Variants in MTX2 observed in about 807,000 individuals in gnomAD.
MTX2 encodes metaxin-2.
A neutral mutation model predicts 42.3 loss-of-function variants in MTX2; 35 were observed. The ratio of observed to expected loss-of-function variants is 0.83; its 90% confidence interval spans 0.63 to 1.10. The LOEUF is 1.10. Among genes scored for constraint, MTX2 ranks in the 50% least tolerant of loss-of-function variants. MTX2 has a pLI of 0.00. For synonymous variants in MTX2, 119 were observed against 100.9 expected (o/e 1.18, Z -1.08); for missense variants, 307 against 304.1 (o/e 1.01, Z -0.07).
intron 3 of MTX2, among the ~76,000 whole-genome samples, chr2:176,305,059 G>A (rs1684108106): frequency 6.6e-6 from 1 of 151,950 alleles, no homozygotes; most frequent in Non-Finnish European, 1.5e-5. Context: ...TTATTGGCAA[G>A]CAATGCTGAT....
chr2:176,271,030 A>T (rs1692793452), intron 1 of MTX2, among the ~76,000 whole-genome samples: 1 of 152,030 alleles, frequency 6.6e-6, no homozygotes, highest in Non-Finnish European at 1.5e-5. Flanking sequence ...CATGTGTCCT[A>T]ATATGTGATT....
intron 9 of MTX2, among the ~76,000 whole-genome samples, chr2:176,331,063 C>CA (rs1558945781): frequency 6.6e-6 from 1 of 150,910 alleles, no homozygotes; most frequent in Non-Finnish European, 1.5e-5. Context: ...TTAGAAGAGT[C>CA]AATAAAACTA....
At chr2:176,308,430 G>A (rs1040005072) in intron 3 of MTX2, among the ~76,000 whole-genome samples, 1 of 151,736 alleles carries the variant, frequency 6.6e-6, no homozygotes, top group Non-Finnish European at 1.5e-5. Context: ...ATCAGTTTGG[G>A]AGGATTCCCT....
chr2:176,331,675 G>A (rs549281177), intron 9 of MTX2, among the ~76,000 whole-genome samples: 5 of 151,238 alleles, frequency 3.3e-5, no homozygotes, highest in East Asian at 3.9e-4. Context: ...TTCAAACTGT[G>A]AAATTCTGGT....
intron 1 of MTX2, among the ~76,000 whole-genome samples, chr2:176,270,010 G>C (rs1692760148): frequency 1.3e-5 from 2 of 152,104 alleles, no homozygotes; most frequent in South Asian, 4.1e-4. Context: ...GCATCTGAAC[G>C]CTTCAGTCTA....
At chr2:176,324,949 G>A (rs1461235306) in intron 4 of MTX2, among the ~76,000 whole-genome samples, 7 of 151,628 alleles carry the variant, frequency 4.6e-5, no homozygotes, top group South Asian at 4.2e-4. Flanking sequence ...TTGATCTTGC[G>A]GTAGATTTTT....
At position 176,269,536 on chromosome 2, in the gene MTX2, A is replaced by G. The variant is rs1692741814; in HGVS notation, c.-94A>G. 15 of 1,379,224 alleles carry G rather than the reference A, an allele frequency of 1.1e-5. No homozygotes were observed. In the South Asian group the frequency reaches 1.4e-4, roughly 12 times the overall value. 85.4% of individuals were successfully genotyped at this position (1,379,224 alleles called of 1,614,324 possible). A position where few individuals can be genotyped will look rare whatever the true frequency, so the allele number is the denominator to read the frequency against. Reference sequence around the variant, plus strand: ...TGCGAGTCTGAACGTTGGCGGGGCTAGGCTCGTTAACTGCCGAGAGCCTCC... The same window carrying G: ...TGCGAGTCTGAACGTTGGCGGGGCTGGGCTCGTTAACTGCCGAGAGCCTCC... On this transcript the variant is annotated 5_prime_UTR_variant, in exon 1 of 10. Transcript: ENST00000249442.
intron 2 of MTX2, among the ~76,000 whole-genome samples, chr2:176,297,575 A>G (rs1386679725): frequency 6.6e-6 from 1 of 152,198 alleles, no homozygotes; most frequent in Admixed American, 6.6e-5. Context: ...GAAGAGGAAC[A>G]TTTCTTGAAA....
intron 3 of MTX2, among the ~76,000 whole-genome samples, chr2:176,313,762 C>A (rs1055794751): frequency 6.6e-6 from 1 of 152,106 alleles, no homozygotes; most frequent in African/African-American, 2.4e-5. Flanking sequence ...TGTATGTTCA[C>A]TCGAATCTTT....
chr2:176,326,470 G>C (rs1219465247), intron 4 of MTX2, among the ~76,000 whole-genome samples: 1 of 151,660 alleles, frequency 6.6e-6, no homozygotes, highest in Admixed American at 6.6e-5. Context: ...AAATATATCA[G>C]TGGTCATGTA....
chr2:176,326,939 A>C, intron 5 of MTX2, 38 bp downstream of exon 5: 1 of 1,220,594 alleles, frequency 8.2e-7, no homozygotes, highest in East Asian at 2.5e-5. Context: ...ATCAGTTACC[A>C]AGTCATTCAT....
rs556356666 is a variant in MTX2, at chr2:176,318,915, T to A, written c.136-4477T>A. On this transcript the variant is annotated intron_variant, in intron 3 of 9. Transcript: ENST00000249442. ...ACGTGCCTGTTGAGCACTTGAAATGTGGCTAGTGTGACTAGGGAACTGAAT... is the reference window on the plus strand; with the variant it reads ...ACGTGCCTGTTGAGCACTTGAAATGAGGCTAGTGTGACTAGGGAACTGAAT... 2.6e-5 allele frequency among the ~76,000 whole-genome samples: 4 copies of A among 152,334 alleles called. No individual in the cohort carries two copies. The South Asian group carries it at 8.3e-4, about 32-fold the overall frequency.
At chr2:176,312,286 C>T (rs1440242647) in intron 3 of MTX2, among the ~76,000 whole-genome samples, 1 of 152,116 alleles carries the variant, frequency 6.6e-6, no homozygotes, top group Non-Finnish European at 1.5e-5. Flanking sequence ...ATATCTATGG[C>T]TTGTTCATTA....
intron 1 of MTX2, among the ~76,000 whole-genome samples, chr2:176,294,001 A>G (rs1045217426): frequency 1.3e-5 from 2 of 152,150 alleles, no homozygotes; most frequent in Non-Finnish European, 2.9e-5. Flanking sequence ...TCTATTTGTG[A>G]TGAAAACACT....
At chr2:176,282,514 T>A (rs1239543083) in intron 1 of MTX2, among the ~76,000 whole-genome samples, 2 of 152,116 alleles carry the variant, frequency 1.3e-5, no homozygotes, top group Non-Finnish European at 2.9e-5. Flanking sequence ...TTTTTTTGGA[T>A]CCAATTCAGA....
intron 3 of MTX2, among the ~76,000 whole-genome samples, chr2:176,320,084 GTAGT>G (rs1194199082): frequency 6.6e-6 from 1 of 152,094 alleles, no homozygotes; most frequent in African/African-American, 2.4e-5. Context: ...GTTGAGGTCT[GTAGT>G]AAGTTGAGTG....
At chr2:176,331,219 A>G (rs996915541) in intron 9 of MTX2, among the ~76,000 whole-genome samples, 1 of 151,150 alleles carries the variant, frequency 6.6e-6, no homozygotes, top group Non-Finnish European at 1.5e-5. Context: ...ATAATGTTTC[A>G]TTAATAGATT....
intron 1 of MTX2, among the ~76,000 whole-genome samples, chr2:176,278,450 G>T (rs192285261): frequency 6.6e-6 from 1 of 152,158 alleles, no homozygotes; most frequent in East Asian, 1.9e-4. Context: ...TAGTTCATAG[G>T]CTGTAATATG....
At chr2:176,307,061 A>G (rs1353062618) in intron 3 of MTX2, among the ~76,000 whole-genome samples, 3 of 152,158 alleles carry the variant, frequency 2.0e-5, no homozygotes, top group Non-Finnish European at 1.5e-5. Context: ...TAAGTCTTTA[A>G]TGCATCTTGA....
Sources: gnomAD v4.1 joint callset for allele counts (sites outside exome capture counted in the v4.1 genomes callset) on GRCh38, gnomAD v4.1.1 for gene constraint, MANE v1.5 for transcripts, NCBI Gene and HGNC (gene_info 2026-07-23, HGNC 2026-07-21) for gene names.